MTHFSD: variants seen among roughly 807,000 people sequenced by gnomAD.
MTHFSD encodes methenyltetrahydrofolate synthase domain-containing protein.
MTHFSD carries 37 observed loss-of-function variants against 31.1 expected under a neutral mutation model. That is an observed-to-expected ratio of 1.19 (90% CI 0.91 to 1.56). The LOEUF is 1.56. MTHFSD is among the 40% of genes most tolerant of loss of function. The pLI is 0.00. For synonymous variants in MTHFSD, 221 were observed against 206.9 expected (o/e 1.07, Z -0.59); for missense variants, 664 against 510.1 (o/e 1.30, Z -2.91).
At position 86,546,604 on chromosome 16, in the gene MTHFSD, G is replaced by A. The variant is rs370397516; in HGVS notation, c.397C>T (p.Leu133Phe). 7.4e-6 allele frequency: 12 copies of A among 1,613,808 alleles called. No homozygotes were observed. Among genetic ancestry groups the A allele is most frequent in the Non-Finnish European group, 9.3e-6 (11 of 1,180,036 alleles). ...GATCCCACCACAACTAAATCCACGA[G>A]GACTCTGGAGTCCAAGCCTATGGGG... is the stretch of plus-strand genomic sequence containing the variant. ...SVPIGLDSRVLVDLVVVGSVA... is the reference protein window; with the variant it reads ...SVPIGLDSRVFVDLVVVGSVA... The change falls in exon 5 of 8, where the codon CTC (leucine) becomes TTC (phenylalanine). Residue 133 changes from leucine to phenylalanine, a missense_variant. By Grantham distance (22) the Leu-to-Phe change is conservative. Coordinates refer to ENST00000360900, the MANE Select transcript of MTHFSD (RefSeq NM_001159377.2).
rs532642943 is a variant in MTHFSD at position 86,541,057 on chromosome 16, G to A, written c.681+640C>T. The stretch of plus-strand genomic sequence containing the variant: ...GTGGACACGTATGCTTATTTGACCA[G>A]TAGTTTTGTCCACACGAAGCACAAA... On this transcript the variant is annotated intron_variant, in intron 7 of 7. Coordinates refer to ENST00000360900, the MANE Select transcript of MTHFSD (RefSeq NM_001159377.2). The A allele has an allele frequency of 2.4e-6, 3 of 1,232,426 alleles. No homozygotes were observed. In the African/African-American group the frequency reaches 4.7e-5, roughly 19 times the overall value. The allele number at this position is 1,232,426 out of a possible 1,614,324, so 76.3% of individuals were successfully genotyped here. A position where few individuals can be genotyped will look rare whatever the true frequency, so the allele number is the denominator to read the frequency against.
chr16:86,547,566 C>G (rs551432931), intron 4 of MTHFSD: 6 of 987,920 alleles, frequency 6.1e-6, no homozygotes, highest in Middle Eastern at 5.2e-4. Flanking sequence ...AGGCACTGAC[C>G]AACTGCAAAG....
chr16:86,535,934 T>C (rs1478971078), intron 7 of MTHFSD, among the ~76,000 whole-genome samples: 5 of 152,176 alleles, frequency 3.3e-5, no homozygotes, highest in African/African-American at 4.8e-5. Flanking sequence ...CACTGCAGCC[T>C]TGAATACCCA....
intron 5 of MTHFSD, among the ~76,000 whole-genome samples, chr16:86,544,275 A>G (rs1971951612): frequency 6.6e-6 from 1 of 152,232 alleles, no homozygotes; most frequent in East Asian, 1.9e-4. Context: ...AGAAACTATC[A>G]TCAGAGTGAA....
Position 86,532,368 on chromosome 16 carries a change from TG to T in MTHFSD, c.794del (p.Pro265GlnfsTer9). 1 of 1,581,038 alleles carries T rather than the reference TG, an allele frequency of 6.3e-7. No individual in the cohort carries two copies. The highest frequency in any genetic ancestry group is 1.2e-5 in the South Asian group (1 of 86,226). On this transcript the variant is annotated frameshift_variant, in exon 8 of 8. Coordinates refer to ENST00000360900, the MANE Select transcript of MTHFSD (RefSeq NM_001159377.2). LOFTEE classifies it low-confidence loss of function (END_TRUNC). ...LQGEHQHLPE[P>X]GCQQTVPLSV... Reference sequence around the variant, plus strand: ...TCAGGGGCACTGTCTGCTGGCAGCCTGGTTCCGGAAGGTGCTGGTGCTCACC... The same window carrying T: ...TCAGGGGCACTGTCTGCTGGCAGCCTGTTCCGGAAGGTGCTGGTGCTCACC...
chr16:86,546,602 G>A lies in MTHFSD; in HGVS notation c.399C>T (p.Leu133=), dbSNP rs566466291. 2.9e-5 allele frequency: 47 copies of A among 1,613,836 alleles called. No individual in the cohort carries two copies. In the African/African-American group the frequency reaches 4.0e-4, roughly 14 times the overall value. ...SVPIGLDSRV[L]VDLVVVGSVA... is the part of the protein sequence containing the mutation. ...CGGATCCCACCACAACTAAATCCAC[G>A]AGGACTCTGGAGTCCAAGCCTATGG... The change falls in exon 5 of 8, where the codon CTC becomes CTT. Residue 133 remains leucine (L), a synonymous_variant. Transcript: ENST00000360900.
At chr16:86,532,582 G>T in intron 7 of MTHFSD, 101 bp from the exon 8 acceptor site, 2 of 959,034 alleles carry the variant, frequency 2.1e-6, no homozygotes, top group Non-Finnish European at 2.9e-6. Context: ...CTGCACACGT[G>T]GACTGGATGC....
chr16:86,539,176 C>G (rs557927459), intron 7 of MTHFSD, among the ~76,000 whole-genome samples: 20 of 152,340 alleles, frequency 1.3e-4, no homozygotes, highest in Non-Finnish European at 2.5e-4. Flanking sequence ...TGCAAAGCAC[C>G]TGCATGGTCA....
In MTHFSD at chr16:86,542,457, C is replaced by G. The variant is rs949889485; in HGVS notation, c.443-244G>C. On this transcript the variant is annotated intron_variant, in intron 5 of 7. Coordinates refer to ENST00000360900, the MANE Select transcript of MTHFSD (RefSeq NM_001159377.2). This position sits in a 1 kb window ranked among gnomAD's most constrained non-coding sequence, Gnocchi z 4.6. Reference sequence around the variant, plus strand: ...TGGTGAAACTACAATGACGTGAACACTGGACCGTTCAAGCATGTCACAAAG... The same window carrying G: ...TGGTGAAACTACAATGACGTGAACAGTGGACCGTTCAAGCATGTCACAAAG... The G allele has an allele frequency of 5.8e-6, 3 of 516,032 alleles. No individual in the cohort carries two copies. The highest frequency in any genetic ancestry group is 3.8e-5 in the African/African-American group (2 of 51,974). 32.0% of individuals were successfully genotyped at this position (516,032 alleles called of 1,614,324 possible).
chr16:86,537,626 A>G (rs1289698209), intron 7 of MTHFSD, among the ~76,000 whole-genome samples: 1 of 152,206 alleles, frequency 6.6e-6, no homozygotes, highest in Non-Finnish European at 1.5e-5. Flanking sequence ...TTATTTGCAG[A>G]GAACAATTGT....
At chr16:86,554,485 T>C (rs1973763155) in intron 2 of MTHFSD, among the ~76,000 whole-genome samples, 160 bp downstream of exon 2, 1 of 152,208 alleles carries the variant, frequency 6.6e-6, no homozygotes, top group African/African-American at 2.4e-5. Flanking sequence ...CGTCTCTAAA[T>C]GCTAAGGACG....
At chr16:86,544,258 C>T (rs1018235142) in intron 5 of MTHFSD, among the ~76,000 whole-genome samples, 18 of 152,086 alleles carry the variant, frequency 1.2e-4, no homozygotes, top group African/African-American at 4.1e-4. Flanking sequence ...ATCTGTGTCT[C>T]GGCAAAAGAA....
At chr16:86,554,807 G>A in intron 1 of MTHFSD, 56 bp from the exon 2 acceptor site, 12 of 1,480,382 alleles carry the variant, frequency 8.1e-6, no homozygotes, top group Non-Finnish European at 1.1e-5. Context: ...AGCCCATGCT[G>A]AAACCGCTTA....
Position 86,546,629 on chromosome 16 carries a change from G to A in MTHFSD, c.372C>T (p.Val124=). The A allele has an allele frequency of 1.2e-6, 2 of 1,613,822 alleles. No individual in the cohort carries two copies. Among genetic ancestry groups the A allele is most frequent in the Non-Finnish European group, 1.7e-6 (2 of 1,179,952 alleles). The change falls in exon 5 of 8, where the codon GTC becomes GTT. Residue 124 remains valine, a synonymous_variant. Transcript: ENST00000360900. ...GGACTCTGGAGTCCAAGCCTATGGG[G>A]ACACTGTAGTTCCTCACACCCTGCA... ...ATSQGVRNYS[V]PIGLDSRVLV...
Position 86,542,493 on chromosome 16 carries a change from C to CT in MTHFSD, c.443-281_443-280insA. The CT allele has an allele frequency of 1.1e-5, 4 of 362,634 alleles. No individual in the cohort carries two copies. The highest frequency in any genetic ancestry group is 5.4e-5 in the South Asian group (1 of 18,356). 22.5% of individuals were successfully genotyped at this position (362,634 alleles called of 1,614,324 possible). A position where few individuals can be genotyped will look rare whatever the true frequency, so the allele number is the denominator to read the frequency against. On this transcript the variant is annotated intron_variant, in intron 5 of 7. Coordinates refer to ENST00000360900, the MANE Select transcript of MTHFSD (RefSeq NM_001159377.2). The surrounding 1 kb of genome is among the most constrained non-coding windows in gnomAD (Gnocchi z 4.6). ...AAGCATGTCACAAAGGGAAACAGAT[C>CT]ACACTCATGTCAGCTTTATGTTAGC...
Position 86,541,733 on chromosome 16 carries a change from G to A in MTHFSD, c.645C>T (p.Cys215=), listed in dbSNP as rs778281656. 2 of 1,614,040 alleles carry A rather than the reference G, an allele frequency of 1.2e-6. No individual in the cohort carries two copies. Among genetic ancestry groups the A allele is most frequent in the East Asian group, 2.2e-5 (1 of 44,878 alleles). ...LTPTRVIATG[C]KRPKPMGITW... ...TGATTCCCATTGGCTTTGGGCGCTT[G>A]CAGCCTGTGGCGATGACTCTGGTTG... Residue 215 remains cysteine (C), a synonymous_variant, in exon 7 of 8, where the codon TGC becomes TGT. Transcript: ENST00000360900.
chr16:86,546,356 T>C (rs1972302859), intron 5 of MTHFSD, among the ~76,000 whole-genome samples: 1 of 152,170 alleles, frequency 6.6e-6, no homozygotes, highest in Non-Finnish European at 1.5e-5. Context: ...AAAGTGAAAA[T>C]GCTGTACACA....
At chr16:86,543,651 G>C (rs1019548) in intron 5 of MTHFSD, among the ~76,000 whole-genome samples, 1 of 151,954 alleles carries the variant, frequency 6.6e-6, no homozygotes, top group Admixed American at 6.6e-5. Context: ...ACGGAGCTCT[G>C]TGTGTGCCAC....
At chr16:86,547,695 T>C (rs1208216670) in intron 4 of MTHFSD, 3 of 384,784 alleles carry the variant, frequency 7.8e-6, no homozygotes, top group East Asian at 1.6e-4. Flanking sequence ...CTTTATTGTA[T>C]GTATTTTTAG....
Sources: gnomAD v4.1 joint callset for allele counts (sites outside exome capture counted in the v4.1 genomes callset) on GRCh38, gnomAD v4.1.1 for gene constraint, Gnocchi (gnomAD v3.1) non-coding constraint, MANE v1.5 for transcripts, NCBI Gene and HGNC (gene_info 2026-07-23, HGNC 2026-07-21) for gene names.